The following KCNN2 variants were observed in gnomAD, a reference collection of about 807,000 sequenced individuals.
The protein encoded by KCNN2 is small conductance calcium-activated potassium channel protein 2.
Under a neutral mutation model 55.5 loss-of-function variants are expected in KCNN2, and 24 were observed. The ratio of observed to expected loss-of-function variants is 0.43; its 90% CI spans 0.31 to 0.61. The LOEUF is 0.61. Ranked by LOEUF, KCNN2 falls within the 20% of genes least tolerant of loss-of-function variation. KCNN2 has a pLI of 0.08. For missense variants in KCNN2, 754 were observed against 853.6 expected, an observed-to-expected ratio of 0.88 and a Z score of 1.45; for synonymous variants, 431 against 336.1, an observed-to-expected ratio of 1.28 and a Z score of -3.09.
At chr5:114,353,181 T>G (rs1490120477) in intron 2 of KCNN2, among the ~76,000 whole-genome samples, 1 of 151,812 alleles carries the variant, frequency 6.6e-6, no homozygotes, top group Non-Finnish European at 1.5e-5. Context: ...TAAAGTCCAT[T>G]TTGGCTGTAC....
chr5:114,120,311 G>T (rs1751801978), intron 1 of KCNN2, among the ~76,000 whole-genome samples: 1 of 152,098 alleles, frequency 6.6e-6, no homozygotes, highest in African/African-American at 2.4e-5. Flanking sequence ...TTATTCTGGG[G>T]CTGTTGATTA....
intron 1 of KCNN2, among the ~76,000 whole-genome samples, chr5:114,189,133 AGTGTGT>A (rs34640722): frequency 2.5e-4 from 37 of 150,002 alleles, no homozygotes; most frequent in African/African-American, 8.8e-4. Flanking sequence ...TAGAACCAAT[AGTGTGT>A]GTGTGTGTGT....
chr5:114,383,066 G>T (rs1427106556), intron 2 of KCNN2, among the ~76,000 whole-genome samples: 1 of 152,136 alleles, frequency 6.6e-6, no homozygotes, highest in African/African-American at 2.4e-5. Context: ...CAAATGAGGA[G>T]CTAAAAAAGG....
intron 2 of KCNN2, among the ~76,000 whole-genome samples, chr5:114,402,195 G>A (rs1385047221): frequency 6.6e-6 from 1 of 152,216 alleles, no homozygotes; most frequent in Non-Finnish European, 1.5e-5. Context: ...GCCAAGGAAA[G>A]AGATCCTTCT....
At chr5:114,139,454 C>G (rs1306347553) in intron 1 of KCNN2, among the ~76,000 whole-genome samples, 1 of 118,518 alleles carries the variant, frequency 8.4e-6, no homozygotes, top group Admixed American at 8.7e-5. Flanking sequence ...CACACTCACA[C>G]AACCACCCCC....
chr5:114,077,700 C>T (rs1750710511), intron 1 of KCNN2, among the ~76,000 whole-genome samples: 2 of 152,142 alleles, frequency 1.3e-5, no homozygotes. Flanking sequence ...GGGAGGAGTA[C>T]AGAACTGTGC....
chr5:114,451,758 A>C (rs375180434), intron 3 of KCNN2, among the ~76,000 whole-genome samples: 1 of 151,360 alleles, frequency 6.6e-6, no homozygotes, highest in Non-Finnish European at 1.5e-5. Context: ...TTAGCCAGGC[A>C]TGGTAGCGGG....
chr5:114,187,753 G>A (rs187491159), intron 1 of KCNN2, among the ~76,000 whole-genome samples: 5 of 151,072 alleles, frequency 3.3e-5, no homozygotes, highest in Admixed American at 6.6e-5. Context: ...AGATCCACCC[G>A]CCTCGGCCTC....
chr5:114,393,189 A>T (rs1369964155), intron 2 of KCNN2, among the ~76,000 whole-genome samples: 4 of 152,166 alleles, frequency 2.6e-5, no homozygotes, highest in African/African-American at 9.7e-5. Flanking sequence ...TATCCACAGA[A>T]CCTTACAAAT....
chr5:114,181,152 T>C (rs1753229004), intron 1 of KCNN2, among the ~76,000 whole-genome samples: 1 of 152,196 alleles, frequency 6.6e-6, no homozygotes, highest in African/African-American at 2.4e-5. Context: ...GTACTGAAAT[T>C]GCTTGGTCAT....
intron 2 of KCNN2, among the ~76,000 whole-genome samples, chr5:114,328,469 A>C (rs996685534): frequency 6.6e-6 from 1 of 152,130 alleles, no homozygotes; most frequent in Non-Finnish European, 1.5e-5. Flanking sequence ...TGCTTTGCTA[A>C]ATGTGCAGGA....
chr5:114,161,037 TC>T (rs1270971534), intron 1 of KCNN2, among the ~76,000 whole-genome samples: 1 of 152,334 alleles, frequency 6.6e-6, no homozygotes, highest in African/African-American at 2.4e-5. Flanking sequence ...GTGAATTTGA[TC>T]CTGTCATTAT....
At chr5:114,283,520 T>C (rs1207615684) in intron 2 of KCNN2, among the ~76,000 whole-genome samples, 1 of 152,176 alleles carries the variant, frequency 6.6e-6, no homozygotes, top group Non-Finnish European at 1.5e-5. Flanking sequence ...ATATAGATTT[T>C]CTGTGTTTCT....
intron 2 of KCNN2, among the ~76,000 whole-genome samples, chr5:114,375,713 AGTT>A (rs763100709): frequency 1.3e-5 from 2 of 151,942 alleles, no homozygotes; most frequent in Admixed American, 6.6e-5. Flanking sequence ...AGAATTTACT[AGTT>A]GTTCTTATTT....
At chr5:114,397,389 G>GT (rs1758652015) in intron 2 of KCNN2, among the ~76,000 whole-genome samples, 1 of 151,910 alleles carries the variant, frequency 6.6e-6, no homozygotes. Context: ...GCATCTGTTA[G>GT]TTTTTTATTT....
chr5:114,401,546 G>T (rs566770011), intron 2 of KCNN2, among the ~76,000 whole-genome samples: 21 of 152,158 alleles, frequency 1.4e-4, no homozygotes, highest in Non-Finnish European at 2.9e-4. Flanking sequence ...AAGTAGGGGA[G>T]ACAGTCTTAT....
intron 2 of KCNN2, among the ~76,000 whole-genome samples, chr5:114,345,981 C>T (rs570484225): frequency 3.7e-4 from 56 of 152,148 alleles, no homozygotes; most frequent in African/African-American, 1.2e-3. Flanking sequence ...CAGGGTCTCA[C>T]CATGTTGGCT....
intron 2 of KCNN2, among the ~76,000 whole-genome samples, chr5:114,331,107 G>A (rs1012134550): frequency 3.9e-5 from 6 of 152,180 alleles, no homozygotes; most frequent in African/African-American, 7.2e-5. Context: ...GCTCTGTTGC[G>A]ATGGTTGAGG....
chr5:114,244,444 A>G (rs1159181357), intron 2 of KCNN2, among the ~76,000 whole-genome samples: 2 of 152,110 alleles, frequency 1.3e-5, no homozygotes, highest in Non-Finnish European at 2.9e-5. Flanking sequence ...AAAAATACAA[A>G]AAAATAGCCG....
Sources: gnomAD v4.1 joint callset for allele counts (sites outside exome capture counted in the v4.1 genomes callset) on GRCh38, gnomAD v4.1.1 for gene constraint, MANE v1.5 for transcripts, NCBI Gene and HGNC (gene_info 2026-07-23, HGNC 2026-07-21) for gene names.